Variants in KCNN2 observed in about 807,000 individuals in gnomAD.
KCNN2 encodes small conductance calcium-activated potassium channel protein 2.
KCNN2 carries 24 observed loss-of-function variants against 55.5 expected under a neutral mutation model. The observed-to-expected ratio is 0.43, with a 90% CI of 0.31 to 0.61. The LOEUF (loss-of-function observed/expected upper bound fraction) is 0.61. Ranked by LOEUF, KCNN2 falls within the 20% of genes least tolerant of loss-of-function variation. The pLI is 0.08. For missense variants in KCNN2, 754 were observed against 853.6 expected (o/e 0.88, Z 1.45); for synonymous variants, 431 against 336.1 (o/e 1.28, Z -3.09).
At chr5:114,234,221 A>G (rs935110110) in intron 2 of KCNN2, among the ~76,000 whole-genome samples, 10 of 152,156 alleles carry the variant, frequency 6.6e-5, no homozygotes, top group African/African-American at 2.4e-4. Context: ...TATCTTCTGA[A>G]TCTTAACCTT....
chr5:114,429,818 CTTTTTTT>C (rs61595962), intron 3 of KCNN2, among the ~76,000 whole-genome samples: 822 of 71,298 alleles, frequency 0.012, 15 homozygotes, highest in African/African-American at 0.042. Flanking sequence ...TATATAGATG[CTTTTTTT>C]TTTTTTTTTT....
chr5:114,102,982 T>C (rs764358721), intron 1 of KCNN2, among the ~76,000 whole-genome samples: 2 of 152,170 alleles, frequency 1.3e-5, no homozygotes, highest in Non-Finnish European at 2.9e-5. Flanking sequence ...AGAAAGTCAA[T>C]GGTAGCTTGA....
At chr5:114,188,503 G>GT (rs1169321637) in intron 1 of KCNN2, among the ~76,000 whole-genome samples, 1 of 152,056 alleles carries the variant, frequency 6.6e-6, no homozygotes, top group Non-Finnish European at 1.5e-5. Flanking sequence ...ATGAAAATAC[G>GT]TAAGATATTT....
intron 3 of KCNN2, among the ~76,000 whole-genome samples, chr5:114,432,945 G>T (rs1018290351): frequency 2.0e-5 from 3 of 152,166 alleles, no homozygotes; most frequent in African/African-American, 7.2e-5. Context: ...CCTGCAGCCC[G>T]CCATGCCTGA....
intron 1 of KCNN2, among the ~76,000 whole-genome samples, chr5:114,104,005 A>G (rs1047929834): frequency 1.3e-5 from 2 of 152,076 alleles, no homozygotes; most frequent in African/African-American, 2.4e-5. Context: ...GAATGGTACC[A>G]GCTCCTCTTT....
At chr5:114,433,077 C>T (rs1014817114) in intron 3 of KCNN2, among the ~76,000 whole-genome samples, 6 of 152,212 alleles carry the variant, frequency 3.9e-5, no homozygotes, top group African/African-American at 1.2e-4. Context: ...GCGCACAGCA[C>T]GGGACTGGCA....
At chr5:114,414,424 C>G (rs1759233560) in intron 3 of KCNN2, among the ~76,000 whole-genome samples, 1 of 152,138 alleles carries the variant, frequency 6.6e-6, no homozygotes, top group Admixed American at 6.5e-5. Context: ...TGGCTTGAGT[C>G]TCTTAGGAGG....
At chr5:114,183,897 G>A (rs1181117714) in intron 1 of KCNN2, among the ~76,000 whole-genome samples, 1 of 151,514 alleles carries the variant, frequency 6.6e-6, no homozygotes. Flanking sequence ...TTTTGAATTT[G>A]CTTTGCTCAT....
In KCNN2 at chr5:114,496,145, C is replaced by T. The variant is rs752320515; in HGVS notation, c.2339C>T (p.Ser780Phe). ...TCCTCGTCCAGGAGGCGGCGGTCCT[C>T]TTCCACAGCACCACCAACTTCATCA... ...SRSSSRRRRS[S>F]STAPPTSSES... The change falls in exon 8 of 8, where the codon TCT becomes TTT. Residue 780 changes from serine (S) to phenylalanine (F), a missense_variant. Around this residue, in one of 4 missense-constraint regions of KCNN2, gnomAD observed 164 missense variants for 156.6 expected, o/e 1.05. Transcript: ENST00000673685. The T allele has an allele frequency of 6.2e-7, 1 of 1,613,974 alleles. No individual in the cohort carries two copies. The highest frequency in any genetic ancestry group is 1.1e-5 in the South Asian group (1 of 91,084).
intron 2 of KCNN2, among the ~76,000 whole-genome samples, chr5:114,330,107 C>T (rs1289316942): frequency 6.6e-6 from 1 of 152,216 alleles, no homozygotes; most frequent in Non-Finnish European, 1.5e-5. Context: ...CTGCTTCATA[C>T]TACTCATTCT....
chr5:114,056,201 TCGCCCG>T (rs1052785134), exon 1 of KCNN2: 19 of 394,810 alleles, frequency 4.8e-5, no homozygotes, highest in Non-Finnish European at 6.7e-5. Flanking sequence ...GGGGCCTGGC[TCGCCCG>T]CGCCCGCGCC....
At chr5:114,226,896 G>A (rs1458369535) in intron 2 of KCNN2, among the ~76,000 whole-genome samples, 6 of 69,152 alleles carry the variant, frequency 8.7e-5, no homozygotes, top group Admixed American at 5.7e-4. Context: ...GCGAGACTCC[G>A]TCTCAAAAAA....
chr5:114,347,542 A>T (rs976819571), intron 2 of KCNN2, among the ~76,000 whole-genome samples: 5 of 152,224 alleles, frequency 3.3e-5, no homozygotes, highest in Non-Finnish European at 7.3e-5. Flanking sequence ...TACGTTTAAT[A>T]ACCTAGACAA....
chr5:114,371,481 G>A (rs78735367), intron 2 of KCNN2, among the ~76,000 whole-genome samples: 6,887 of 152,172 alleles, frequency 0.045, 171 homozygotes, highest in Middle Eastern at 0.065. Context: ...GTTTTAAGGA[G>A]GGCATAGCAC....
chr5:114,056,474 G>C (rs1750210181), exon 1 of KCNN2: 1 of 398,608 alleles, frequency 2.5e-6, no homozygotes, highest in Non-Finnish European at 4.4e-6. Context: ...GCTTCAAATG[G>C]AGCGGGACTC....
At chr5:114,474,447 T>A (rs1761883497) in intron 5 of KCNN2, among the ~76,000 whole-genome samples, 2 of 152,162 alleles carry the variant, frequency 1.3e-5, no homozygotes, top group Admixed American at 1.3e-4. Context: ...TCTCCATGAC[T>A]TACTCTCATT....
At chr5:114,386,068 G>C (rs1758273771) in intron 2 of KCNN2, among the ~76,000 whole-genome samples, 1 of 151,536 alleles carries the variant, frequency 6.6e-6, no homozygotes, top group Non-Finnish European at 1.5e-5. Context: ...TGTAGTCCCA[G>C]CTACTCGGGA....
chr5:114,432,800 G>A (rs1057372995), intron 3 of KCNN2, among the ~76,000 whole-genome samples: 12 of 152,310 alleles, frequency 7.9e-5, no homozygotes, highest in Non-Finnish European at 1.3e-4. Flanking sequence ...CTGCCGGCCC[G>A]GGCAATGAGG....
intron 1 of KCNN2, among the ~76,000 whole-genome samples, chr5:114,199,628 C>A (rs13187415): frequency 0.11 from 16,284 of 150,522 alleles, 1,051 homozygotes; most frequent in Middle Eastern, 0.23. Context: ...TTTTATGTGG[C>A]TTTTATTGTA....
Sources: gnomAD v4.1 joint callset for allele counts (sites outside exome capture counted in the v4.1 genomes callset) on GRCh38, gnomAD v4.1.1 for gene constraint, gnomAD v4.1.1 regional missense constraint, MANE v1.5 for transcripts, NCBI Gene and HGNC (gene_info 2026-07-23, HGNC 2026-07-21) for gene names.